EYS: variants seen among roughly 807,000 people sequenced by gnomAD.
The protein encoded by EYS is EGF-like photoreceptor maintenance factor.
In EYS, 250 loss-of-function variants were observed where a neutral mutation model predicts 282.1. The observed-to-expected ratio is 0.89, with a 90% CI of 0.80 to 0.98. The LOEUF is 0.98. EYS is among the 50% of genes least tolerant of loss of function. EYS has a pLI of 0.00. For missense variants in EYS, 4,016 were observed against 3,709.0 expected (o/e 1.08, Z -2.15); for synonymous variants, 1,355 against 1,282.9 (o/e 1.06, Z -1.20).
chr6:64,599,623 CT>C (rs1235365357), intron 24 of EYS, among the ~76,000 whole-genome samples: 2 of 152,070 alleles, frequency 1.3e-5, no homozygotes, highest in Non-Finnish European at 2.9e-5. Flanking sequence ...ATATGAGTCT[CT>C]CTTGAAGCAG....
At chr6:65,667,594 C>G (rs1408949748) in intron 1 of EYS, among the ~76,000 whole-genome samples, 2 of 151,766 alleles carry the variant, frequency 1.3e-5, no homozygotes. Flanking sequence ...CCATTCTTAT[C>G]ACGAATACCC....
chr6:63,948,311 A>G (rs1412256539), intron 35 of EYS, among the ~76,000 whole-genome samples: 5 of 152,156 alleles, frequency 3.3e-5, no homozygotes, highest in African/African-American at 9.7e-5. Context: ...CTCAATCTCA[A>G]TTGCTTTCTC....
intron 35 of EYS, among the ~76,000 whole-genome samples, chr6:63,910,309 G>A (rs919306013): frequency 6.6e-6 from 1 of 152,144 alleles, no homozygotes; most frequent in Non-Finnish European, 1.5e-5. Flanking sequence ...TCACTGAAGG[G>A]GAGGTTGGGG....
Position 64,928,810 on chromosome 6 carries a change from AC to A in EYS, c.2382-16068del, listed in dbSNP as rs201455652. ...TGGTTCTATGTGAAATAATGAGATA[AC>A]CTAATACGGAATGATTTTTTTCTAA... On this transcript the variant is annotated intron_variant, in intron 15 of 42. Transcript: ENST00000503581. Among the ~76,000 whole-genome samples the A allele has an allele frequency of 8.2e-4, 125 of 152,236 alleles. 1 individual carries two copies. In the East Asian group the frequency reaches 0.021, roughly 25 times the overall value.
intron 9 of EYS, among the ~76,000 whole-genome samples, chr6:65,347,234 C>T (rs978163858): frequency 6.6e-6 from 1 of 151,578 alleles, no homozygotes; most frequent in Non-Finnish European, 1.5e-5. Flanking sequence ...TTTAAATTTG[C>T]TTTGATTGCA....
intron 14 of EYS, among the ~76,000 whole-genome samples, chr6:64,972,644 T>A (rs1770334314): frequency 6.6e-6 from 1 of 152,166 alleles, no homozygotes; most frequent in Non-Finnish European, 1.5e-5. Flanking sequence ...TCTAGCTTAC[T>A]TTATTGTAAG....
In EYS at chr6:65,494,980, C is replaced by G. The variant is rs1209235364; in HGVS notation, c.431G>C (p.Gly144Ala). Residue 144 changes from glycine (G) to alanine (A), a missense_variant, in exon 4 of 43, where the codon GGG (glycine) becomes GCG (alanine). Coordinates refer to ENST00000503581, the MANE Select transcript of EYS (RefSeq NM_001142800.2). ...HTVNSKWLSV[G>A]THYFITVMAS... ...CATAACTGTGATAAAATAATGTGTC[C>G]CAACACTCAGCCACTTAGAATTAAC... is the stretch of plus-strand genomic sequence containing the variant. 5 of 1,613,992 alleles carry G rather than the reference C, an allele frequency of 3.1e-6. No homozygotes were observed. The African/African-American group carries it at 5.3e-5, about 17-fold the overall frequency.
chr6:64,595,241 C>A (rs1766546105), intron 24 of EYS, among the ~76,000 whole-genome samples: 1 of 152,080 alleles, frequency 6.6e-6, no homozygotes, highest in African/African-American at 2.4e-5. Context: ...AATTGAATAT[C>A]ACTTCATAAT....
At chr6:63,961,805 A>T (rs1766077993) in intron 35 of EYS, among the ~76,000 whole-genome samples, 1 of 152,208 alleles carries the variant, frequency 6.6e-6, no homozygotes, top group Non-Finnish European at 1.5e-5. Flanking sequence ...ACATTCCAAC[A>T]TATAAATTTT....
intron 12 of EYS, among the ~76,000 whole-genome samples, chr6:65,218,551 C>T (rs548448920): frequency 1.3e-5 from 2 of 152,182 alleles, no homozygotes; most frequent in African/African-American, 4.8e-5. Flanking sequence ...AATATTTTCA[C>T]TCATTGGGAT....
chr6:64,556,380 A>G (rs1765233194), intron 26 of EYS, among the ~76,000 whole-genome samples: 1 of 151,990 alleles, frequency 6.6e-6, no homozygotes, highest in Non-Finnish European at 1.5e-5. Flanking sequence ...CTAGACACAG[A>G]GGGTCTGTGG....
intron 31 of EYS, among the ~76,000 whole-genome samples, chr6:64,198,654 ACTAAC>A (rs1455503651): frequency 1.3e-5 from 2 of 152,148 alleles, no homozygotes; most frequent in Non-Finnish European, 2.9e-5. Context: ...AAGGATGTGA[ACTAAC>A]CTTTTTTGTT....
At chr6:64,749,021 C>A (rs2149967686) in intron 22 of EYS, among the ~76,000 whole-genome samples, 1 of 152,342 alleles carries the variant, frequency 6.6e-6, no homozygotes, top group East Asian at 1.9e-4. Context: ...GATCCACCCG[C>A]CTTGGCCTCC....
At chr6:63,800,136 T>G (rs1271478943) in intron 37 of EYS, among the ~76,000 whole-genome samples, 1 of 152,228 alleles carries the variant, frequency 6.6e-6, no homozygotes, top group African/African-American at 2.4e-5. Context: ...GGATGAGATT[T>G]CTACTTTCTG....
At chr6:64,672,360 TTTTCCC>T (rs1400669923) in intron 22 of EYS, among the ~76,000 whole-genome samples, 15 of 152,256 alleles carry the variant, frequency 9.9e-5, no homozygotes, top group Non-Finnish European at 1.5e-4. Context: ...GAGTTCTCTT[TTTTCCC>T]CTGTCATGAA....
chr6:65,097,601 G>A (rs1774775774), intron 12 of EYS, among the ~76,000 whole-genome samples: 1 of 150,798 alleles, frequency 6.6e-6, no homozygotes, highest in Admixed American at 6.6e-5. Context: ...CCACCTAAAT[G>A]TCTATTGATG....
chr6:64,814,132 A>G (rs150336194), intron 21 of EYS, among the ~76,000 whole-genome samples: 1 of 152,062 alleles, frequency 6.6e-6, no homozygotes. Context: ...TTAATTACCT[A>G]CTTTTCCCCA....
At chr6:63,831,844 A>C (rs566196581) in intron 36 of EYS, among the ~76,000 whole-genome samples, 104 of 152,342 alleles carry the variant, frequency 6.8e-4, no homozygotes, top group Middle Eastern at 3.4e-3. Flanking sequence ...AATGTAAAAG[A>C]GCAGAAATTA....
intron 2 of EYS, among the ~76,000 whole-genome samples, chr6:65,555,085 G>C (rs910159177): frequency 6.6e-6 from 1 of 151,814 alleles, no homozygotes; most frequent in African/African-American, 2.4e-5. Context: ...AAATTTCAGA[G>C]CACAAACCCA....
Sources: allele counts gnomAD v4.1 joint callset (sites outside exome capture counted in the v4.1 genomes callset), GRCh38; gene constraint gnomAD v4.1.1; transcripts MANE v1.5; gene names NCBI Gene and HGNC (gene_info 2026-07-23, HGNC 2026-07-21).